Variants in CD226 observed in about 807,000 individuals in gnomAD.
CD226 encodes CD226 antigen.
CD226 carries 24 observed loss-of-function variants against 34.9 expected under a neutral mutation model. That is an observed-to-expected ratio of 0.69 (90% CI 0.50 to 0.97). The LOEUF (loss-of-function observed/expected upper bound fraction) is 0.97, where lower values mean the gene tolerates loss of function less well. Among genes scored for constraint, CD226 ranks in the 50% least tolerant of loss-of-function variants. The pLI is 0.00. For synonymous variants in CD226, 148 were observed against 147.4 expected (o/e 1.00, Z -0.03); for missense variants, 397 against 412.7 (o/e 0.96, Z 0.33).
intron 2 of CD226, among the ~76,000 whole-genome samples, chr18:69,906,197 T>G (rs951013784): frequency 1.3e-5 from 2 of 152,108 alleles, no homozygotes; most frequent in African/African-American, 4.8e-5. Flanking sequence ...CAAGAAACAG[T>G]ACCTGCACAC....
chr18:69,901,521 G>A (rs182579941), intron 2 of CD226, among the ~76,000 whole-genome samples: 21 of 152,266 alleles, frequency 1.4e-4, no homozygotes, highest in South Asian at 1.0e-3. Flanking sequence ...GGTCACAGGG[G>A]AACTGATTAT....
intron 3 of CD226, among the ~76,000 whole-genome samples, chr18:69,873,733 T>C (rs1983690424): frequency 6.6e-6 from 1 of 152,044 alleles, no homozygotes; most frequent in African/African-American, 2.4e-5. Flanking sequence ...GATCCCAGTG[T>C]GGTGGTGCAT....
At chr18:69,928,151 AC>A (rs2055546040) in intron 2 of CD226, among the ~76,000 whole-genome samples, 4 of 152,198 alleles carry the variant, frequency 2.6e-5, no homozygotes, top group Non-Finnish European at 4.4e-5. Flanking sequence ...CTTTGTTCCC[AC>A]CCAGGGGAAT....
chr18:69,918,767 C>A (rs969779771), intron 2 of CD226, among the ~76,000 whole-genome samples: 2 of 152,148 alleles, frequency 1.3e-5, no homozygotes, highest in African/African-American at 4.8e-5. Context: ...AGCAGAGCCA[C>A]AGCCATCAGC....
chr18:69,883,678 T>C (rs1222863042), intron 3 of CD226, among the ~76,000 whole-genome samples: 1 of 152,258 alleles, frequency 6.6e-6, no homozygotes, highest in African/African-American at 2.4e-5. Context: ...AGACATGTCA[T>C]TACTTATTGC....
At position 69,945,341 on chromosome 18, in the gene CD226, C is replaced by T. The variant is rs952709470; in HGVS notation, c.382+1393G>A. On this transcript the variant is annotated intron_variant, in intron 2 of 5. Transcript: ENST00000582621. ...TCAGGAACCTGAGATTCAGAGGGATCGAGCAACTAACACCAGGTTGATGGA... is the reference window on the plus strand; with the variant it reads ...TCAGGAACCTGAGATTCAGAGGGATTGAGCAACTAACACCAGGTTGATGGA... Among the ~76,000 whole-genome samples the T allele has an allele frequency of 9.9e-5, 15 of 152,164 alleles. No homozygotes were observed. The South Asian group carries it at 1.9e-3, about 19-fold the overall frequency.
At chr18:69,957,702 C>T (rs545855449), upstream of CD226, among the ~76,000 whole-genome samples, 12 of 152,150 alleles carry the variant, frequency 7.9e-5, no homozygotes, top group Admixed American at 2.0e-4. Flanking sequence ...TCTGCTGGAC[C>T]ACCGCATATA....
At position 69,864,402 on chromosome 18, in the gene CD226, T is replaced by G. The variant is rs1599367627; in HGVS notation, c.923A>C (p.Gln308Pro). ...ATCATCCATGGATTGATTGGTAGGT[T>G]GACTGGTAGAGATGGGACTTCTATA... ...NNYRSPISTS[Q>P]PTNQSMDDTR... Residue 308 changes from glutamine (Q) to proline (P), a missense_variant, in exon 6 of 6, where the codon CAA becomes CCA. Transcript: ENST00000582621. 1 of 1,613,606 alleles carries G rather than the reference T, an allele frequency of 6.2e-7. No homozygotes were observed. The highest frequency in any genetic ancestry group is 2.2e-5 in the East Asian group (1 of 44,826).
At position 69,855,241 on chromosome 18, in the gene CD226, C is replaced by A. The variant is rs1399905679; in HGVS notation, c.*9073G>T. On this transcript the variant is annotated 3_prime_UTR_variant, in exon 6 of 6. Transcript: ENST00000582621. Reference sequence around the variant, plus strand: ...CAGAATTATCAGACATGGAACTTATCATTAATATGTTAAGAGCTCTCATGA... The same window carrying A: ...CAGAATTATCAGACATGGAACTTATAATTAATATGTTAAGAGCTCTCATGA... 1 of 151,732 alleles carries A rather than the reference C, an allele frequency of 6.6e-6. No individual in the cohort carries two copies. The allele number at this position is 151,732 out of a possible 1,614,324, so 9.4% of individuals were successfully genotyped here.
At chr18:69,951,767 G>A (rs149628667), upstream of CD226, among the ~76,000 whole-genome samples, 22 of 152,294 alleles carry the variant, frequency 1.4e-4, no homozygotes, top group South Asian at 1.5e-3. Context: ...TTGAAATGAT[G>A]ATCAAAACAG....
At chr18:69,905,214 AG>A (rs1385821513) in intron 2 of CD226, among the ~76,000 whole-genome samples, 3 of 152,208 alleles carry the variant, frequency 2.0e-5, no homozygotes, top group African/African-American at 7.2e-5. Flanking sequence ...GCAGCAGGGC[AG>A]GATCTCAGAG....
intron 1 of CD226, among the ~76,000 whole-genome samples, chr18:69,954,880 C>T (rs1369901650): frequency 6.6e-6 from 1 of 152,160 alleles, no homozygotes; most frequent in Non-Finnish European, 1.5e-5. Flanking sequence ...CAAATAGAGA[C>T]AGCGCTTGAG....
At chr18:69,938,193 T>C (rs1467032012) in intron 2 of CD226, among the ~76,000 whole-genome samples, 1 of 152,200 alleles carries the variant, frequency 6.6e-6, no homozygotes, top group African/African-American at 2.4e-5. Flanking sequence ...ACAAAGTACC[T>C]GCATGTGTGG....
At chr18:69,940,068 G>A (rs955919926) in intron 2 of CD226, among the ~76,000 whole-genome samples, 2 of 152,180 alleles carry the variant, frequency 1.3e-5, no homozygotes, top group Admixed American at 1.3e-4. Context: ...CTGTTCTCAT[G>A]ATAGTGAGTT....
chr18:69,891,489 A>G (rs1598976784), intron 3 of CD226, among the ~76,000 whole-genome samples: 1 of 152,226 alleles, frequency 6.6e-6, no homozygotes, highest in Admixed American at 6.5e-5. Flanking sequence ...AATCAGAGCC[A>G]TTAAACAAGA....
chr18:69,901,626 A>AT (rs753167852), intron 2 of CD226, among the ~76,000 whole-genome samples: 12 of 135,768 alleles, frequency 8.8e-5, no homozygotes, highest in Non-Finnish European at 1.7e-4. Context: ...CACACCTGTA[A>AT]TCCAGCACTT....
At chr18:69,875,345 C>G (rs977056624) in intron 3 of CD226, among the ~76,000 whole-genome samples, 1 of 152,164 alleles carries the variant, frequency 6.6e-6, no homozygotes, top group Non-Finnish European at 1.5e-5. Flanking sequence ...ACCCTGTTGG[C>G]CAGGCTGGTC....
At chr18:69,928,412 C>T (rs568405290) in intron 2 of CD226, among the ~76,000 whole-genome samples, 83 of 151,962 alleles carry the variant, frequency 5.5e-4, no homozygotes, top group Non-Finnish European at 1.0e-3. Context: ...GGACAGGAGG[C>T]GGTGAGGGAG....
At chr18:69,891,823 A>T (rs1013680328) in intron 3 of CD226, among the ~76,000 whole-genome samples, 2 of 152,242 alleles carry the variant, frequency 1.3e-5, no homozygotes, top group African/African-American at 4.8e-5. Flanking sequence ...ATAGCAACTT[A>T]TTCTTTCATG....
Sources: allele counts gnomAD v4.1 joint callset (sites outside exome capture counted in the v4.1 genomes callset), GRCh38; gene constraint gnomAD v4.1.1; transcripts MANE v1.5; gene names NCBI Gene and HGNC (gene_info 2026-07-23, HGNC 2026-07-21).